CREB5: variants seen among roughly 807,000 people sequenced by gnomAD.
The protein encoded by CREB5 is cAMP responsive element binding protein 5, also known as cyclic AMP-responsive element-binding protein 5.
A neutral mutation model predicts 57.1 loss-of-function variants in CREB5; 19 were observed. That is an observed-to-expected ratio of 0.33 (90% CI 0.23 to 0.49). The LOEUF is 0.49. Among genes scored for constraint, CREB5 ranks in the 20% least tolerant of loss-of-function variants. The probability of loss-of-function intolerance (pLI) is 0.99; values close to 1 mark genes in which losing one functional copy is unlikely to be tolerated. For missense variants in CREB5, 579 were observed against 671.6 expected (o/e 0.86, Z 1.52); for synonymous variants, 238 against 238.3 (o/e 1.00, Z 0.01).
At chr7:28,319,574 T>C (rs1785452919) in intron 1 of CREB5, among the ~76,000 whole-genome samples, 1 of 152,128 alleles carries the variant, frequency 6.6e-6, no homozygotes, top group Admixed American at 6.5e-5. Flanking sequence ...TGCCTTTCGG[T>C]GTTCATCTGG....
At position 28,775,543 on chromosome 7, in the gene CREB5, C is replaced by CATATATAT. The variant is rs56224961; in HGVS notation, c.703-28641_703-28634dup. Among the ~76,000 whole-genome samples, 1,112 of 120,656 alleles carry CATATATAT rather than the reference C, an allele frequency of 9.2e-3. 36 individuals carry two copies. Among genetic ancestry groups the CATATATAT allele is most frequent in the Non-Finnish European group, 0.012 (732 of 59,864 alleles). 79.2% of individuals were successfully genotyped at this position (120,656 alleles called of 152,430 possible). ...ATGCCATATTTATGTATTCCTTAGC[C>CATATATAT]ATATATATATATATATATATATTAG... On this transcript the variant is annotated intron_variant, in intron 7 of 10. Coordinates refer to ENST00000357727, the MANE Select transcript of CREB5 (RefSeq NM_182898.4).
rs1161603517 is a variant in CREB5 at position 28,507,709 on chromosome 7, A to G, written c.263A>G (p.Lys88Arg). 2.2e-5 allele frequency: 36 copies of G among 1,608,664 alleles called. No homozygotes were observed. Among genetic ancestry groups the G allele is most frequent in the Non-Finnish European group, 2.8e-5 (33 of 1,175,628 alleles). Residue 88 changes from lysine to arginine, a missense_variant, in exon 4 of 11, where the codon AAG (lysine) becomes AGG (arginine). Physicochemically the swap from Lys to Arg is conservative, Grantham distance 26. This residue lies in a region of CREB5 where 459 missense variants were observed against 515.7 expected (regional missense o/e 0.89). Coordinates refer to ENST00000357727, the MANE Select transcript of CREB5 (RefSeq NM_182898.4). ...TGCTCCCTGGAGCACGAGTTCAGGA[A>G]GGCTCAGGAAGAGGAGAGCAGCAAG... ...LDCSLEHEFR[K>R]AQEEESSKRN... is the part of the protein sequence containing the mutation.
intron 7 of CREB5, among the ~76,000 whole-genome samples, chr7:28,780,018 C>T (rs1806879225): frequency 6.6e-6 from 1 of 152,208 alleles, no homozygotes; most frequent in African/African-American, 2.4e-5. Flanking sequence ...ATCTGCCCTC[C>T]TCAGCCTCCC....
chr7:28,462,723 T>C (rs1452635880), intron 1 of CREB5, among the ~76,000 whole-genome samples: 1 of 152,202 alleles, frequency 6.6e-6, no homozygotes, highest in Non-Finnish European at 1.5e-5. Context: ...TGTATAGAAG[T>C]ATCTATTCAA....
intron 1 of CREB5, among the ~76,000 whole-genome samples, chr7:28,357,560 A>G (rs1438126549): frequency 1.3e-5 from 2 of 152,160 alleles, no homozygotes; most frequent in Non-Finnish European, 2.9e-5. Context: ...TCACTTAAGC[A>G]ATGAAGAAAA....
At chr7:28,711,261 T>C (rs987616438) in intron 5 of CREB5, among the ~76,000 whole-genome samples, 14 of 152,144 alleles carry the variant, frequency 9.2e-5, no homozygotes, top group Non-Finnish European at 1.8e-4. Flanking sequence ...TCCTGCACAC[T>C]CAACATTCTG....
chr7:28,455,867 C>T (rs928903165), intron 1 of CREB5, among the ~76,000 whole-genome samples: 3 of 152,084 alleles, frequency 2.0e-5, no homozygotes, highest in Admixed American at 6.5e-5. Flanking sequence ...TGCTTGTGCC[C>T]GACACTGGTG....
intron 7 of CREB5, among the ~76,000 whole-genome samples, chr7:28,792,587 C>T (rs556476418): frequency 6.6e-6 from 1 of 152,302 alleles, no homozygotes; most frequent in Admixed American, 6.5e-5. Flanking sequence ...GACACACACA[C>T]GGCCAGATTC....
intron 1 of CREB5, among the ~76,000 whole-genome samples, chr7:28,394,070 C>CAAAAAAAAAAAAAAAA (rs56166148): frequency 1.9e-5 from 1 of 53,014 alleles, no homozygotes; most frequent in Non-Finnish European, 3.1e-5. Flanking sequence ...GACTCTGTCT[C>CAAAAAAAAAAAAAAAA]AAAAAAAAAA....
At chr7:28,439,417 C>T (rs565312440) in intron 1 of CREB5, among the ~76,000 whole-genome samples, 4 of 152,338 alleles carry the variant, frequency 2.6e-5, no homozygotes, top group Non-Finnish European at 5.9e-5. Flanking sequence ...ACATGCCATT[C>T]TGCTAACTGG....
intron 1 of CREB5, among the ~76,000 whole-genome samples, chr7:28,382,176 G>T (rs1786979102): frequency 1.3e-5 from 2 of 152,196 alleles, no homozygotes; most frequent in African/African-American, 4.8e-5. Flanking sequence ...CTCCAGGAAA[G>T]AGAATTCATG....
intron 5 of CREB5, among the ~76,000 whole-genome samples, chr7:28,655,159 C>A (rs547823009): frequency 6.6e-6 from 1 of 152,222 alleles, no homozygotes; most frequent in Admixed American, 6.5e-5. Flanking sequence ...TGTGTCAGCC[C>A]CCCAAAGTGC....
At chr7:28,304,637 T>C (rs953001755) in intron 1 of CREB5, among the ~76,000 whole-genome samples, 1 of 152,196 alleles carries the variant, frequency 6.6e-6, no homozygotes, top group African/African-American at 2.4e-5. Flanking sequence ...ATGAATGTTT[T>C]TGTAAGTCCA....
intron 5 of CREB5, among the ~76,000 whole-genome samples, chr7:28,588,584 A>G (rs160338): frequency 0.73 from 110,918 of 152,094 alleles, 41,325 homozygotes; most frequent in East Asian, 0.92. Flanking sequence ...AGTACCTTTC[A>G]ACAAAATACG....
At chr7:28,403,586 G>A (rs1468469794) in intron 1 of CREB5, among the ~76,000 whole-genome samples, 3 of 151,906 alleles carry the variant, frequency 2.0e-5, no homozygotes, top group Non-Finnish European at 2.9e-5. Context: ...AAAAAAATTG[G>A]CCCTGATCAC....
intron 7 of CREB5, among the ~76,000 whole-genome samples, chr7:28,737,790 C>T (rs777431593): frequency 2.6e-5 from 4 of 151,680 alleles, no homozygotes; most frequent in Non-Finnish European, 4.4e-5. Flanking sequence ...GATTAATGGA[C>T]TTAGTTACCA....
At chr7:28,552,504 C>T (rs373207937) in intron 4 of CREB5, among the ~76,000 whole-genome samples, 2 of 152,132 alleles carry the variant, frequency 1.3e-5, no homozygotes, top group Non-Finnish European at 2.9e-5. Context: ...GGGTACATCA[C>T]GGGGGCTCAA....
intron 1 of CREB5, 114 bp downstream of exon 1, chr7:28,413,031 C>T: frequency 1.0e-6 from 1 of 989,278 alleles, no homozygotes; most frequent in Non-Finnish European, 1.4e-6. Context: ...TTAGATTTTG[C>T]ACAAAATTTT....
At chr7:28,740,799 G>A (rs1310078379) in intron 7 of CREB5, among the ~76,000 whole-genome samples, 3 of 152,064 alleles carry the variant, frequency 2.0e-5, no homozygotes, top group Admixed American at 1.3e-4. Flanking sequence ...TAGAAAGATG[G>A]TATGAATTAT....
Sources: gnomAD v4.1 joint callset for allele counts (sites outside exome capture counted in the v4.1 genomes callset) on GRCh38, gnomAD v4.1.1 for gene constraint, gnomAD v4.1.1 regional missense constraint, MANE v1.5 for transcripts, NCBI Gene and HGNC (gene_info 2026-07-23, HGNC 2026-07-21) for gene names.